Variants in MAD1L1 observed in about 807,000 individuals in gnomAD.
MAD1L1 encodes mitotic arrest deficient 1 like 1.
Under a neutral mutation model 96.9 loss-of-function variants are expected in MAD1L1, and 95 were observed. The ratio of observed to expected loss-of-function variants is 0.98; its 90% confidence interval spans 0.83 to 1.16. The LOEUF is 1.16. Ranked by LOEUF, MAD1L1 falls within the 50% of genes most tolerant of loss-of-function variation. The pLI is 0.00. For synonymous variants in MAD1L1, 473 were observed against 396.6 expected (o/e 1.19, Z -2.29); for missense variants, 1,007 against 954.4 (o/e 1.06, Z -0.73).
intron 10 of MAD1L1, among the ~76,000 whole-genome samples, chr7:2,172,755 C>T (rs1183235532): frequency 6.6e-6 from 1 of 152,232 alleles, no homozygotes. Flanking sequence ...TGAGAACCCA[C>T]GTGGCTGGCC....
chr7:2,162,863 G>T (rs1790232514), intron 10 of MAD1L1, among the ~76,000 whole-genome samples: 1 of 151,076 alleles, frequency 6.6e-6, no homozygotes, highest in Non-Finnish European at 1.5e-5. Context: ...CCATTAATTG[G>T]AGTTTCATCT....
intron 18 of MAD1L1, among the ~76,000 whole-genome samples, chr7:1,866,174 G>T (rs952163013): frequency 6.6e-6 from 1 of 152,206 alleles, no homozygotes; most frequent in Admixed American, 6.5e-5. Context: ...TGCACACTGG[G>T]AGCCAGGTGC....
At chr7:2,065,331 C>T (rs143159877) in intron 12 of MAD1L1, among the ~76,000 whole-genome samples, 1 of 152,342 alleles carries the variant, frequency 6.6e-6, no homozygotes, top group Non-Finnish European at 1.5e-5. Flanking sequence ...GGGTGGCAGC[C>T]GTGTCCAGGG....
At chr7:1,906,992 C>T (rs1274247723) in intron 17 of MAD1L1, among the ~76,000 whole-genome samples, 1 of 152,212 alleles carries the variant, frequency 6.6e-6, no homozygotes, top group Non-Finnish European at 1.5e-5. Flanking sequence ...AAAATCAAGG[C>T]AGGCCGAAGA....
chr7:1,973,039 G>T (rs1023592716), intron 15 of MAD1L1, among the ~76,000 whole-genome samples: 2 of 152,106 alleles, frequency 1.3e-5, no homozygotes, highest in African/African-American at 2.4e-5. Flanking sequence ...CGATTCTTTC[G>T]AATTTACTGG....
chr7:1,928,752 G>C lies in MAD1L1; in HGVS notation c.1807+7935C>G, dbSNP rs545288933. On this transcript the variant is annotated intron_variant, in intron 17 of 18. Transcript: ENST00000265854. ...GCCCTGCCCAGGTGGCACGGGGTGGGGGCATGACGTAAACACAGGCCTGTG... is the reference window on the plus strand; with the variant it reads ...GCCCTGCCCAGGTGGCACGGGGTGGCGGCATGACGTAAACACAGGCCTGTG... Among the ~76,000 whole-genome samples the C allele has an allele frequency of 4.6e-5, 7 of 152,330 alleles. No individual in the cohort carries two copies. In the South Asian group the frequency reaches 1.5e-3, roughly 32 times the overall value.
intron 10 of MAD1L1, among the ~76,000 whole-genome samples, chr7:2,175,926 T>C (rs1490714141): frequency 3.3e-5 from 5 of 152,166 alleles, no homozygotes; most frequent in Admixed American, 6.5e-5. Flanking sequence ...AAAAGGCTAA[T>C]AAAGTTGCAG....
intron 12 of MAD1L1, among the ~76,000 whole-genome samples, chr7:2,026,075 ATAC>A (rs1355697505): frequency 3.9e-5 from 6 of 152,190 alleles, no homozygotes; most frequent in South Asian, 2.1e-4. Flanking sequence ...TATTTATAGT[ATAC>A]TACATTTATA....
intron 4 of MAD1L1, chr7:2,223,504 C>T (rs1793721759): frequency 6.6e-6 from 1 of 152,270 alleles, no homozygotes; most frequent in Non-Finnish European, 1.5e-5. Flanking sequence ...CTGCCTTCCT[C>T]GGGAAGCACC....
intron 13 of MAD1L1, 129 bp downstream of exon 13, chr7:2,014,373 C>T: frequency 1.6e-6 from 2 of 1,272,618 alleles, no homozygotes. Flanking sequence ...CCCTCCCTGA[C>T]AGACACCTGC....
intron 10 of MAD1L1, among the ~76,000 whole-genome samples, chr7:2,208,808 C>A (rs997598786): frequency 2.6e-5 from 4 of 152,154 alleles, no homozygotes; most frequent in South Asian, 2.1e-4. Context: ...GAGGATGACA[C>A]GTACCTCAAA....
chr7:2,096,765 GGCAGGCTGCAGCT>G, intron 11 of MAD1L1, among the ~76,000 whole-genome samples: 1 of 152,220 alleles, frequency 6.6e-6, no homozygotes, highest in South Asian at 2.1e-4. Context: ...TAAGGGAGGG[GGCAGGCTGCAGCT>G]GCCCCACGAC....
chr7:2,042,591 G>A (rs1272525183), intron 12 of MAD1L1, among the ~76,000 whole-genome samples: 1 of 152,180 alleles, frequency 6.6e-6, no homozygotes, highest in Admixed American at 6.5e-5. Flanking sequence ...CCTGGTGGGA[G>A]GTGTTGGATT....
chr7:2,192,836 C>G (rs1253940913), intron 10 of MAD1L1, among the ~76,000 whole-genome samples: 1 of 152,132 alleles, frequency 6.6e-6, no homozygotes. Flanking sequence ...AATTCCATTT[C>G]ATGGGATAAT....
At chr7:2,081,648 G>A (rs1024053289) in intron 11 of MAD1L1, among the ~76,000 whole-genome samples, 1 of 152,208 alleles carries the variant, frequency 6.6e-6, no homozygotes, top group Non-Finnish European at 1.5e-5. Context: ...TCTCTCTTCC[G>A]GGCTCTGTCC....
At chr7:2,011,295 G>C (rs1782289964) in intron 13 of MAD1L1, among the ~76,000 whole-genome samples, 1 of 152,200 alleles carries the variant, frequency 6.6e-6, no homozygotes, top group Non-Finnish European at 1.5e-5. Context: ...CCTGTGCACA[G>C]AGGGTGCAGC....
At chr7:2,077,202 G>A (rs1226395118) in intron 11 of MAD1L1, among the ~76,000 whole-genome samples, 3 of 152,212 alleles carry the variant, frequency 2.0e-5, no homozygotes, top group South Asian at 2.1e-4. Context: ...CATGCACGGT[G>A]ATCCTCAGTG....
intron 17 of MAD1L1, among the ~76,000 whole-genome samples, chr7:1,909,005 A>G (rs955786214): frequency 1.3e-5 from 2 of 152,326 alleles, no homozygotes; most frequent in East Asian, 1.9e-4. Flanking sequence ...TCTTCCCTCT[A>G]GGATGGGTCT....
At chr7:2,060,108 C>G (rs1161906662) in intron 12 of MAD1L1, among the ~76,000 whole-genome samples, 1 of 149,332 alleles carries the variant, frequency 6.7e-6, no homozygotes, top group Non-Finnish European at 1.5e-5. Flanking sequence ...CCGAGATACG[C>G]CGAAGCCAAG....
Sources: allele counts gnomAD v4.1 joint callset (sites outside exome capture counted in the v4.1 genomes callset), GRCh38; gene constraint gnomAD v4.1.1; transcripts MANE v1.5; gene names NCBI Gene and HGNC (gene_info 2026-07-23, HGNC 2026-07-21).